Variants in CIP2A observed in about 807,000 individuals in gnomAD.
The protein encoded by CIP2A is cellular inhibitor of PP2A.
Under a neutral mutation model 110.9 loss-of-function variants are expected in CIP2A, and 103 were observed. That is an observed-to-expected ratio of 0.93 (90% CI 0.79 to 1.09). The LOEUF is 1.09. Ranked by LOEUF, CIP2A falls within the 50% of genes least tolerant of loss-of-function variation. The pLI, the probability that CIP2A is intolerant of heterozygous loss-of-function variation, is 0.00. For synonymous variants in CIP2A, 381 were observed against 361.6 expected (o/e 1.05, Z -0.61); for missense variants, 1,088 against 1,038.4 (o/e 1.05, Z -0.66).
At chr3:108,572,882 A>G (rs1938447241) in intron 8 of CIP2A, among the ~76,000 whole-genome samples, 1 of 151,980 alleles carries the variant, frequency 6.6e-6, no homozygotes. Flanking sequence ...TTCTTTTCTT[A>G]TTCCTAATCT....
chr3:108,579,670 A>G lies in CIP2A; in HGVS notation c.568T>C (p.Tyr190His), dbSNP rs766240535. The G allele has an allele frequency of 1.3e-6, 2 of 1,571,566 alleles. No homozygotes were observed. The highest frequency in any genetic ancestry group is 1.7e-6 in the Non-Finnish European group (2 of 1,163,596). The change falls in exon 6 of 21, where the codon TAT becomes CAT. Residue 190 changes from tyrosine (Y) to histidine (H), a missense_variant. By Grantham distance (83) the Tyr-to-His change is moderately conservative. Transcript: ENST00000295746. The part of the protein sequence containing the change: ...IKTLSNVKSF[Y>H]RTLITLLAHS... ...GCCAACAAGGTGATAAGAGTTCGAT[A>G]AAAAGATTTCACATTACTCTGAGGA... is the stretch of plus-strand genomic sequence containing the variant.
Position 108,560,818 on chromosome 3 carries a change from T to C in CIP2A, c.1658A>G (p.Asn553Ser), listed in dbSNP as rs1937982517. The C allele has an allele frequency of 6.2e-7, 1 of 1,604,226 alleles. No individual in the cohort carries two copies. The highest frequency in any genetic ancestry group is 8.5e-7 in the Non-Finnish European group (1 of 1,176,008). ...ALVLGESIAA[N>S]NAYRQQETEH... ...TGTTTCCTGTTGTCTATAGGCATTG[T>C]TTGCTGCTATACTTTCTCCAAGTCT... is the stretch of plus-strand genomic sequence containing the variant. The change falls in exon 14 of 21, where the codon AAC becomes AGC. Residue 553 changes from asparagine (N) to serine (S), a missense_variant. Asn to Ser is a conservative substitution (Grantham distance 46). Transcript: ENST00000295746.
At chr3:108,573,990 T>A (rs1156378181) in intron 8 of CIP2A, among the ~76,000 whole-genome samples, 1 of 152,114 alleles carries the variant, frequency 6.6e-6, no homozygotes, top group Admixed American at 6.6e-5. Flanking sequence ...ATGGAGTCCA[T>A]CTTTGTGACT....
Position 108,575,829 on chromosome 3 carries a change from T to TAC in CIP2A, c.894+440_894+441dup, listed in dbSNP as rs148309181. On this transcript the variant is annotated intron_variant, in intron 8 of 20. Coordinates refer to ENST00000295746, the MANE Select transcript of CIP2A (RefSeq NM_020890.3). Reference sequence around the variant, plus strand: ...ATATATACTCATATACATGTGTATATACGTGTATATATACTCATATACATG... The same window carrying TAC: ...ATATATACTCATATACATGTGTATATACACGTGTATATATACTCATATACATG... Among the ~76,000 whole-genome samples the TAC allele has an allele frequency of 1.3e-3, 82 of 64,374 alleles. 38 individuals are homozygous for TAC. Among genetic ancestry groups the TAC allele is most frequent in the South Asian group, 6.6e-3 (13 of 1,978 alleles). The allele number at this position is 64,374 out of a possible 152,430, so 42.2% of individuals were successfully genotyped here. A position where few individuals can be genotyped will look rare whatever the true frequency, so the allele number is the denominator to read the frequency against.
intron 16 of CIP2A, among the ~76,000 whole-genome samples, chr3:108,558,423 G>A (rs972245450): frequency 6.6e-6 from 1 of 151,924 alleles, no homozygotes; most frequent in African/African-American, 2.4e-5. Context: ...TATCTGCTGG[G>A]AATTTCATAT....
At chr3:108,570,231 A>T (rs2603120) in intron 8 of CIP2A, among the ~76,000 whole-genome samples, 150,556 of 151,664 alleles carry the variant, frequency 0.99, 74,731 homozygotes, top group Middle Eastern at 1. Context: ...AAAAAAAAAA[A>T]TTTCTTAAGA....
At position 108,579,271 on chromosome 3, in the gene CIP2A, T is replaced by C; in HGVS notation, c.818+10A>G. ...AAAAAAGTTCTAAAATTGACTGAAG[T>C]GAGTCATACCTGGTGAGATAATCAG... On this transcript the variant is annotated intron_variant, in intron 7 of 20. Coordinates refer to ENST00000295746, the MANE Select transcript of CIP2A (RefSeq NM_020890.3). 6.3e-7 allele frequency: 1 copy of C among 1,593,822 alleles called. No homozygotes were observed. Among genetic ancestry groups the C allele is most frequent in the Non-Finnish European group, 8.6e-7 (1 of 1,168,400 alleles).
intron 11 of CIP2A, 66 bp downstream of exon 11, chr3:108,566,431 G>A (rs1013608268): frequency 2.4e-6 from 3 of 1,257,126 alleles, no homozygotes; most frequent in South Asian, 1.4e-5. Flanking sequence ...CCAAAAGGAT[G>A]AGAATCACCA....
chr3:108,576,197 T>C lies in CIP2A; in HGVS notation c.894+74A>G, dbSNP rs80292066. 2.2e-3 allele frequency: 1,847 copies of C among 841,604 alleles called. 22 individuals are homozygous for C. In the African/African-American group the frequency reaches 0.03, roughly 14 times the overall value. The allele number at this position is 841,604 out of a possible 1,614,324, so 52.1% of individuals were successfully genotyped here. A position where few individuals can be genotyped will look rare whatever the true frequency, so the allele number is the denominator to read the frequency against. ...ATCTGTGCATTTGGATTTTTCTGTATTTTGCAGTTTTTTAAAAGTTTCGGC... is the reference window on the plus strand; with the variant it reads ...ATCTGTGCATTTGGATTTTTCTGTACTTTGCAGTTTTTTAAAAGTTTCGGC... On this transcript the variant is annotated intron_variant, in intron 8 of 20. Coordinates refer to ENST00000295746, the MANE Select transcript of CIP2A (RefSeq NM_020890.3).
rs773595712 is a variant in CIP2A, at chr3:108,585,073, G to C, written c.242C>G (p.Ser81Cys). ...GAAATTAAATGCATTACCTAGTTGA[G>C]ACAGCAAACCGATAATACTTAAGAT... ...SLILSIIGLL[S>C]QLAVDIETRD... Residue 81 changes from serine to cysteine, a missense_variant, in exon 2 of 21, where the codon TCT becomes TGT. Transcript: ENST00000295746. 11 of 1,610,338 alleles carry C rather than the reference G, an allele frequency of 6.8e-6. No homozygotes were observed. The South Asian group carries it at 1.1e-4, about 16-fold the overall frequency.
In CIP2A at chr3:108,575,585, T is replaced by A. The variant is rs1382130975; in HGVS notation, c.894+686A>T. On this transcript the variant is annotated intron_variant, in intron 8 of 20. Coordinates refer to ENST00000295746, the MANE Select transcript of CIP2A (RefSeq NM_020890.3). Reference sequence around the variant, plus strand: ...ACGTGTATATATACTCATATACATGTGTATATATACGTGTATATATACTCA... The same window carrying A: ...ACGTGTATATATACTCATATACATGAGTATATATACGTGTATATATACTCA... Among the ~76,000 whole-genome samples, 478 of 146,990 alleles carry A rather than the reference T, an allele frequency of 3.3e-3. 2 individuals are homozygous for A. The highest frequency in any genetic ancestry group is 0.012 in the African/African-American group (458 of 37,916).
At chr3:108,557,967 A>G (rs1937867178) in intron 16 of CIP2A, among the ~76,000 whole-genome samples, 1 of 152,114 alleles carries the variant, frequency 6.6e-6, no homozygotes, top group Non-Finnish European at 1.5e-5. Flanking sequence ...TTTGGATTTT[A>G]TTTTACAATG....
chr3:108,587,590 T>C (rs940614323), intron 1 of CIP2A, among the ~76,000 whole-genome samples: 1 of 152,200 alleles, frequency 6.6e-6, no homozygotes, highest in South Asian at 2.1e-4. Flanking sequence ...TATCAAACTC[T>C]TCACTTAAGA....
Position 108,583,078 on chromosome 3 carries a change from C to T in CIP2A, c.256G>A (p.Asp86Asn). 2.5e-6 allele frequency: 4 copies of T among 1,574,916 alleles called. No individual in the cohort carries two copies. Among genetic ancestry groups the T allele is most frequent in the Non-Finnish European group, 3.5e-6 (4 of 1,152,728 alleles). ...IIGLLSQLAV[D>N]IETRDCLQNT... Reference sequence around the variant, plus strand: ...TGAAGACAATCTCTGGTTTCAATGTCTACTGCTATAAGTTAAAATAAAAGC... The same window carrying T: ...TGAAGACAATCTCTGGTTTCAATGTTTACTGCTATAAGTTAAAATAAAAGC... The change falls in exon 3 of 21, where the codon GAC (aspartate) becomes AAC (asparagine). Residue 86 changes from aspartate (D) to asparagine (N), a missense_variant. Coordinates refer to ENST00000295746, the MANE Select transcript of CIP2A (RefSeq NM_020890.3).
In CIP2A at chr3:108,589,350, G is replaced by C; in HGVS notation, c.26C>G (p.Ser9Cys). ...GTACTGACTGACAGTCAGGAGCAAG[G>C]ACTTCAAGCAGGCAGTGGAGTCCAT... MDSTACLK[S>C]LLLTVSQYKA... The change falls in exon 1 of 21, where the codon TCC becomes TGC. Residue 9 changes from serine to cysteine, a missense_variant. Transcript: ENST00000295746. 1 of 1,613,840 alleles carries C rather than the reference G, an allele frequency of 6.2e-7. No individual in the cohort carries two copies. The highest frequency in any genetic ancestry group is 1.1e-5 in the South Asian group (1 of 90,966).
At chr3:108,563,345 G>T in intron 12 of CIP2A, 101 bp from the exon 13 acceptor site, 1 of 723,450 alleles carries the variant, frequency 1.4e-6, no homozygotes. Context: ...TTAATTCTAG[G>T]CAAATTCTAA....
intron 12 of CIP2A, among the ~76,000 whole-genome samples, chr3:108,564,206 G>A (rs1348045908): frequency 3.3e-5 from 5 of 151,884 alleles, no homozygotes; most frequent in African/African-American, 1.2e-4. Context: ...CCAGTTTGTA[G>A]TCGAGGAAAT....
chr3:108,560,600 G>T, intron 14 of CIP2A, 49 bp downstream of exon 14: 1 of 1,118,240 alleles, frequency 8.9e-7, no homozygotes, highest in Non-Finnish European at 1.3e-6. Flanking sequence ...AATTGGGACT[G>T]ACATATAGCT....
chr3:108,576,254 G>T lies in CIP2A; in HGVS notation c.894+17C>A. 1 of 1,475,972 alleles carries T rather than the reference G, an allele frequency of 6.8e-7. No individual in the cohort carries two copies. Among genetic ancestry groups the T allele is most frequent in the Non-Finnish European group, 9.1e-7 (1 of 1,097,160 alleles). 91.4% of individuals were successfully genotyped at this position (1,475,972 alleles called of 1,614,324 possible). A position where few individuals can be genotyped will look rare whatever the true frequency, so the allele number is the denominator to read the frequency against. On this transcript the variant is annotated intron_variant, in intron 8 of 20. Coordinates refer to ENST00000295746, the MANE Select transcript of CIP2A (RefSeq NM_020890.3). ...CAGTTTTTAAAAGTTTAAATGAAAA[G>T]TCATGTTTTTACATACCTTTGAAGA... is the stretch of plus-strand genomic sequence containing the variant.
Sources: allele counts gnomAD v4.1 joint callset (sites outside exome capture counted in the v4.1 genomes callset), GRCh38; gene constraint gnomAD v4.1.1; transcripts MANE v1.5; gene names NCBI Gene and HGNC (gene_info 2026-07-23, HGNC 2026-07-21).